NLGN1: variants seen among roughly 807,000 people sequenced by gnomAD.
NLGN1 encodes neuroligin-1.
NLGN1 carries 12 observed loss-of-function variants against 65.5 expected under a neutral mutation model. The observed-to-expected ratio is 0.18, with a 90% CI of 0.12 to 0.30. The LOEUF (loss-of-function observed/expected upper bound fraction) is 0.30. Among genes scored for constraint, NLGN1 ranks in the 10% least tolerant of loss-of-function variants. NLGN1 has a pLI of 1.00. For synonymous variants in NLGN1, 350 were observed against 359.5 expected (o/e 0.97, Z 0.30); for missense variants, 750 against 1,007.1 (o/e 0.74, Z 3.46).
chr3:173,948,648 G>A (rs1747642768), intron 4 of NLGN1, among the ~76,000 whole-genome samples: 1 of 152,148 alleles, frequency 6.6e-6, no homozygotes, highest in African/African-American at 2.4e-5. Flanking sequence ...GAACATCTAT[G>A]CCATAGTAAC....
At chr3:174,073,440 A>T (rs375259048) in intron 4 of NLGN1, among the ~76,000 whole-genome samples, 9 of 152,176 alleles carry the variant, frequency 5.9e-5, no homozygotes, top group African/African-American at 1.7e-4. Flanking sequence ...TGAGCAGCAC[A>T]TCTTTTGAAC....
At chr3:173,779,462 T>A (rs926542347) in intron 3 of NLGN1, among the ~76,000 whole-genome samples, 17 of 124,528 alleles carry the variant, frequency 1.4e-4, no homozygotes, top group African/African-American at 3.5e-4. Flanking sequence ...TTCAAGTCAT[T>A]TTTCTTAATG....
At chr3:174,255,668 TTTA>T (rs1745608460) in intron 4 of NLGN1, among the ~76,000 whole-genome samples, 3 of 150,784 alleles carry the variant, frequency 2.0e-5, no homozygotes, top group African/African-American at 7.3e-5. Context: ...TATTTATTTA[TTTA>T]TTTTTGAGAT....
chr3:174,282,173 A>G (rs577131524), exon 7 of NLGN1: 2 of 152,356 alleles, frequency 1.3e-5, no homozygotes, highest in South Asian at 4.1e-4. Flanking sequence ...CCAGAAAAAA[A>G]TTTCCTGTTT....
chr3:173,611,975 G>A (rs1012985182), intron 3 of NLGN1, among the ~76,000 whole-genome samples: 4 of 151,776 alleles, frequency 2.6e-5, no homozygotes, highest in Admixed American at 6.6e-5. Flanking sequence ...TATGGCATTC[G>A]ATGAGCTTAA....
At chr3:173,412,963 T>A (rs779651241) in intron 1 of NLGN1, among the ~76,000 whole-genome samples, 10 of 152,166 alleles carry the variant, frequency 6.6e-5, no homozygotes, top group Non-Finnish European at 1.2e-4. Context: ...AGAAAGTAAT[T>A]GATTAACTGG....
At chr3:173,911,053 G>A (rs949190082) in intron 4 of NLGN1, among the ~76,000 whole-genome samples, 1 of 152,050 alleles carries the variant, frequency 6.6e-6, no homozygotes, top group Non-Finnish European at 1.5e-5. Flanking sequence ...CTAAATGTAG[G>A]TATAAGAGAC....
At position 174,278,601 on chromosome 3, in the gene NLGN1, T is replaced by G. The variant is rs1033050998; in HGVS notation, c.860-260T>G. ...CTTTTTACCACTACATCGTCTCCTT[T>G]TCTTCTTGCCTACTACCTCTTTGAG... On this transcript the variant is annotated intron_variant, in intron 5 of 6. Transcript: ENST00000457714. Among the ~76,000 whole-genome samples, 5 of 151,922 alleles carry G rather than the reference T, an allele frequency of 3.3e-5. No homozygotes were observed. The East Asian group carries it at 7.8e-4, about 24-fold the overall frequency.
chr3:173,515,442 T>C (rs1441346992), intron 2 of NLGN1, among the ~76,000 whole-genome samples: 1 of 152,172 alleles, frequency 6.6e-6, no homozygotes, highest in Non-Finnish European at 1.5e-5. Flanking sequence ...AGGTTGCTTT[T>C]TCACTCTATT....
At chr3:173,638,389 A>G (rs199599007) in intron 3 of NLGN1, among the ~76,000 whole-genome samples, 2 of 26,886 alleles carry the variant, frequency 7.4e-5, no homozygotes, top group Admixed American at 5.3e-4. Flanking sequence ...TTATAAAATG[A>G]AAAAAAAAAA....
intron 4 of NLGN1, among the ~76,000 whole-genome samples, chr3:173,874,870 A>C (rs1021361496): frequency 6.6e-6 from 1 of 152,190 alleles, no homozygotes; most frequent in African/African-American, 2.4e-5. Flanking sequence ...AAGTGAAAAG[A>C]AGGAAGTAAT....
chr3:174,126,217 A>C (rs2152659344), intron 4 of NLGN1, among the ~76,000 whole-genome samples: 1 of 152,188 alleles, frequency 6.6e-6, no homozygotes, highest in African/African-American at 2.4e-5. Flanking sequence ...TTTGGGCTTT[A>C]AAATCAAGGC....
At chr3:173,890,894 T>C (rs549491876) in intron 4 of NLGN1, among the ~76,000 whole-genome samples, 1 of 152,296 alleles carries the variant, frequency 6.6e-6, no homozygotes, top group East Asian at 1.9e-4. Context: ...GCACCTGTAA[T>C]GAGAGTTCAA....
At chr3:173,734,202 A>G (rs945762245) in intron 3 of NLGN1, among the ~76,000 whole-genome samples, 1 of 151,928 alleles carries the variant, frequency 6.6e-6, no homozygotes, top group African/African-American at 2.4e-5. Flanking sequence ...GTTTTATAAT[A>G]TTGATGGCTT....
intron 2 of NLGN1, among the ~76,000 whole-genome samples, chr3:173,566,039 A>T (rs1214943835): frequency 6.6e-6 from 1 of 152,202 alleles, no homozygotes; most frequent in African/African-American, 2.4e-5. Context: ...GAAAGAAGGG[A>T]TGAGCATACT....
intron 2 of NLGN1, among the ~76,000 whole-genome samples, chr3:173,572,547 TC>T (rs1371695222): frequency 2.6e-5 from 4 of 152,234 alleles, no homozygotes; most frequent in African/African-American, 4.8e-5. Context: ...TGTTACCAAA[TC>T]CTCTGTGATC....
At chr3:173,704,699 G>A (rs1446383339) in intron 3 of NLGN1, among the ~76,000 whole-genome samples, 1 of 152,140 alleles carries the variant, frequency 6.6e-6, no homozygotes, top group Non-Finnish European at 1.5e-5. Flanking sequence ...TTCTTAATCA[G>A]TTAATGATGA....
chr3:174,165,839 T>C (rs1727384339), intron 4 of NLGN1, among the ~76,000 whole-genome samples: 2 of 152,164 alleles, frequency 1.3e-5, no homozygotes. Context: ...TCTGGGGCTT[T>C]CTTAGTTGGC....
chr3:173,850,155 A>G (rs960065057), intron 4 of NLGN1, among the ~76,000 whole-genome samples: 2 of 152,132 alleles, frequency 1.3e-5, no homozygotes, highest in Admixed American at 6.6e-5. Context: ...CCAAGCATCA[A>G]TTCTTTCATT....
Sources: gnomAD v4.1 joint callset for allele counts (sites outside exome capture counted in the v4.1 genomes callset) on GRCh38, gnomAD v4.1.1 for gene constraint, MANE v1.5 for transcripts, NCBI Gene and HGNC (gene_info 2026-07-23, HGNC 2026-07-21) for gene names.